NRXN3: variants seen among roughly 807,000 people sequenced by gnomAD.
NRXN3 encodes neurexin III.
In NRXN3, 32 loss-of-function variants were observed where a neutral mutation model predicts 137.6. The observed-to-expected ratio is 0.23, with a 90% CI of 0.18 to 0.31. NRXN3 has a LOEUF of 0.31. NRXN3 is among the 10% of genes least tolerant of loss of function. NRXN3 has a pLI of 1.00. For missense variants in NRXN3, 1,574 were observed against 2,062.5 expected, an observed-to-expected ratio of 0.76 and a Z score of 4.59; for synonymous variants, 798 against 784.5, an observed-to-expected ratio of 1.02 and a Z score of -0.29.
chr14:79,468,110 G>T (rs2096454335), intron 16 of NRXN3, among the ~76,000 whole-genome samples: 1 of 152,168 alleles, frequency 6.6e-6, no homozygotes, highest in African/African-American at 2.4e-5. Flanking sequence ...CATGTGTATT[G>T]CATACTCAAC....
chr14:79,556,675 C>G (rs2097432912), intron 16 of NRXN3, among the ~76,000 whole-genome samples: 1 of 152,150 alleles, frequency 6.6e-6, no homozygotes, highest in Non-Finnish European at 1.5e-5. Flanking sequence ...CCTGCCTCAG[C>G]CTCCCAAGTA....
intron 1 of NRXN3, among the ~76,000 whole-genome samples, chr14:78,226,148 C>T (rs140421568): frequency 2.0e-4 from 31 of 152,146 alleles, no homozygotes; most frequent in African/African-American, 4.3e-4. Context: ...GGATTACAGG[C>T]GCGTGCCACC....
rs554499028 is a variant in NRXN3 at position 78,199,101 on chromosome 14, A to G, written c.-704+28427A>G. The stretch of plus-strand genomic sequence containing the variant: ...AGAGCTGCATTGTGGCTTAAAATGG[A>G]CTTTGATGAGAGGCCAAGAGTAGAT... On this transcript the variant is annotated intron_variant, in intron 1 of 20. Transcript: ENST00000335750. Among the ~76,000 whole-genome samples, 19 of 152,312 alleles carry G rather than the reference A, an allele frequency of 1.2e-4. 1 individual carries two copies. Among genetic ancestry groups the G allele is most frequent in the African/African-American group, 3.8e-4 (16 of 41,572 alleles).
At chr14:78,954,902 G>A (rs893493258) in intron 10 of NRXN3, among the ~76,000 whole-genome samples, 1 of 151,598 alleles carries the variant, frequency 6.6e-6, no homozygotes, top group Non-Finnish European at 1.5e-5. Context: ...CATAAGAGCT[G>A]ATGGACCTCC....
At chr14:79,314,657 G>A (rs371807372) in intron 15 of NRXN3, among the ~76,000 whole-genome samples, 2,915 of 132,610 alleles carry the variant, frequency 0.022, 122 homozygotes, top group African/African-American at 0.081. Context: ...GCAGACTTAA[G>A]TGTCCCTGTC....
chr14:79,421,115 G>C (rs1472122436), intron 15 of NRXN3, among the ~76,000 whole-genome samples: 2 of 152,024 alleles, frequency 1.3e-5, no homozygotes, highest in Non-Finnish European at 2.9e-5. Flanking sequence ...TCATAAAAGA[G>C]GTATACATTA....
intron 8 of NRXN3, among the ~76,000 whole-genome samples, chr14:78,742,416 C>A (rs2098581430): frequency 6.6e-6 from 1 of 152,166 alleles, no homozygotes; most frequent in African/African-American, 2.4e-5. Flanking sequence ...AGAACTATTT[C>A]AGAAGCTAGA....
At chr14:78,246,756 C>G (rs991041200) in intron 2 of NRXN3, among the ~76,000 whole-genome samples, 2 of 122,420 alleles carry the variant, frequency 1.6e-5, no homozygotes, top group African/African-American at 6.2e-5. Context: ...GAAATCACAG[C>G]AGCTGCTAAG....
chr14:79,388,483 T>C (rs2094720230), intron 15 of NRXN3, among the ~76,000 whole-genome samples: 1 of 152,106 alleles, frequency 6.6e-6, no homozygotes, highest in African/African-American at 2.4e-5. Context: ...GGACTCCTTC[T>C]GAGAGTGGGG....
chr14:79,110,383 A>T (rs891617685), intron 15 of NRXN3, among the ~76,000 whole-genome samples: 2 of 152,210 alleles, frequency 1.3e-5, no homozygotes, highest in Admixed American at 1.3e-4. Context: ...TTCCTTTATC[A>T]TCTCAAATGA....
At chr14:79,369,550 AT>A (rs1218093601) in intron 15 of NRXN3, among the ~76,000 whole-genome samples, 5 of 152,166 alleles carry the variant, frequency 3.3e-5, no homozygotes, top group Non-Finnish European at 4.4e-5. Flanking sequence ...ACACTGAGAA[AT>A]TTTGATTGTA....
chr14:78,489,028 A>G (rs961037833), intron 4 of NRXN3, among the ~76,000 whole-genome samples: 3 of 152,186 alleles, frequency 2.0e-5, no homozygotes, highest in Non-Finnish European at 4.4e-5. Flanking sequence ...AAGAGTGACT[A>G]CATCAGAGAG....
chr14:78,222,341 C>A (rs137919889), intron 1 of NRXN3, among the ~76,000 whole-genome samples: 1 of 152,104 alleles, frequency 6.6e-6, no homozygotes, highest in Non-Finnish European at 1.5e-5. Flanking sequence ...CATACACACA[C>A]ACACACACAC....
chr14:78,626,421 T>A (rs192664275), intron 4 of NRXN3, among the ~76,000 whole-genome samples: 37 of 152,346 alleles, frequency 2.4e-4, no homozygotes, highest in Admixed American at 2.0e-3. Context: ...TCCAGAGAGT[T>A]AAAGGCATCA....
intron 4 of NRXN3, among the ~76,000 whole-genome samples, chr14:78,382,181 A>G (rs2089245776): frequency 6.6e-6 from 1 of 152,250 alleles, no homozygotes; most frequent in Admixed American, 6.5e-5. Context: ...CTGTCAGCCA[A>G]TCAGAACATG....
intron 4 of NRXN3, among the ~76,000 whole-genome samples, chr14:78,541,810 G>T (rs958443415): frequency 6.6e-6 from 1 of 151,874 alleles, no homozygotes; most frequent in South Asian, 2.1e-4. Context: ...TGGTGTAGAT[G>T]ACCTTTCTGT....
intron 15 of NRXN3, among the ~76,000 whole-genome samples, chr14:79,464,965 T>C (rs2096402692): frequency 6.6e-6 from 1 of 152,210 alleles, no homozygotes; most frequent in Admixed American, 6.5e-5. Flanking sequence ...CTTGTTATTT[T>C]TGTAGTGACA....
At chr14:78,518,665 G>T (rs2096245730) in intron 4 of NRXN3, among the ~76,000 whole-genome samples, 1 of 152,138 alleles carries the variant, frequency 6.6e-6, no homozygotes. Flanking sequence ...CCAGAGGCAA[G>T]AATTCAATCA....
intron 1 of NRXN3, among the ~76,000 whole-genome samples, chr14:78,203,824 G>T (rs942096344): frequency 2.1e-5 from 2 of 97,036 alleles, no homozygotes; most frequent in African/African-American, 1.0e-4. Flanking sequence ...GTGTGTGTGT[G>T]TGTGTGTGTG....
Sources: allele counts gnomAD v4.1 joint callset (sites outside exome capture counted in the v4.1 genomes callset), GRCh38; gene constraint gnomAD v4.1.1; transcripts MANE v1.5; gene names NCBI Gene and HGNC (gene_info 2026-07-23, HGNC 2026-07-21).